CSE1L: variants seen among roughly 807,000 people sequenced by gnomAD.
The protein encoded by CSE1L is chromosome segregation 1 like, also known as exportin-2.
In CSE1L, 24 loss-of-function variants were observed where a neutral mutation model predicts 120.4. That is an observed-to-expected ratio of 0.20 (90% confidence interval 0.14 to 0.28). The LOEUF is 0.28. Ranked by LOEUF, CSE1L falls within the 10% of genes least tolerant of loss-of-function variation. The pLI is 1.00. For synonymous variants in CSE1L, 402 were observed against 398.3 expected (o/e 1.01, Z -0.11); for missense variants, 830 against 1,145.2 (o/e 0.72, Z 3.97).
At chr20:49,072,796 T>C in intron 10 of CSE1L, 99 bp downstream of exon 10, 1 of 1,156,408 alleles carries the variant, frequency 8.6e-7, no homozygotes, top group Non-Finnish European at 1.2e-6. Context: ...ATAAAACTTG[T>C]ATGTCATTTA....
Position 49,071,094 on chromosome 20 carries a change from T to C in CSE1L, c.768+797T>C, listed in dbSNP as rs543179787. Reference sequence around the variant, plus strand: ...TCATTTGTTAATATATTTATGACCTTCTTTCCGAAGAGACAAAAGACAAAA... The same window carrying C: ...TCATTTGTTAATATATTTATGACCTCCTTTCCGAAGAGACAAAAGACAAAA... On this transcript the variant is annotated intron_variant, in intron 8 of 24. Coordinates refer to ENST00000262982, the MANE Select transcript of CSE1L (RefSeq NM_001316.4). Among the ~76,000 whole-genome samples, 10 of 148,952 alleles carry C rather than the reference T, an allele frequency of 6.7e-5. 1 individual carries two copies. The highest frequency in any genetic ancestry group is 6.0e-4 in the Admixed American group (9 of 15,116).
At chr20:49,082,038 G>A (rs539552182) in intron 14 of CSE1L, among the ~76,000 whole-genome samples, 2 of 151,794 alleles carry the variant, frequency 1.3e-5, no homozygotes, top group African/African-American at 4.8e-5. Context: ...CTTTTCTTAC[G>A]CTTTCACTAC....
intron 14 of CSE1L, among the ~76,000 whole-genome samples, chr20:49,081,401 C>T (rs988289611): frequency 2.0e-5 from 3 of 152,204 alleles, no homozygotes; most frequent in South Asian, 2.1e-4. Context: ...CTCCCACTTT[C>T]AGCCTCCCGA....
Position 49,070,290 on chromosome 20 carries a change from A to T in CSE1L, c.761A>T (p.Gln254Leu), listed in dbSNP as rs2091922812. The T allele has an allele frequency of 7.4e-7, 1 of 1,343,286 alleles. No individual in the cohort carries two copies. The allele number at this position is 1,343,286 out of a possible 1,614,324, so 83.2% of individuals were successfully genotyped here. A position where few individuals can be genotyped will look rare whatever the true frequency, so the allele number is the denominator to read the frequency against. The change falls in exon 8 of 25, where the codon CAA (glutamine) becomes CTA (leucine). Residue 254 changes from glutamine (Q) to leucine (L), a missense_variant. By Grantham distance (113) the Gln-to-Leu change is moderately radical. Coordinates refer to ENST00000262982, the MANE Select transcript of CSE1L (RefSeq NM_001316.4). ...TLLTLDNKLL[Q>L]TDDEEEAGLL... ...TTAACATTGGATAATAAGCTTTTAC[A>T]AACTGATGTAAGTATTTAAAATGTT...
chr20:49,093,799 CCCA>C (rs2092119481), intron 22 of CSE1L, among the ~76,000 whole-genome samples: 1 of 151,830 alleles, frequency 6.6e-6, no homozygotes, highest in Admixed American at 6.6e-5. Flanking sequence ...CACCTGTAAT[CCCA>C]CCTACTCAGG....
chr20:49,077,731 T>C (rs2091980177), intron 13 of CSE1L, among the ~76,000 whole-genome samples: 2 of 152,004 alleles, frequency 1.3e-5, no homozygotes, highest in Non-Finnish European at 1.5e-5. Flanking sequence ...TTTGGCCGGG[T>C]GCGGTGGCTC....
chr20:49,096,496 G>A lies in CSE1L; in HGVS notation c.*58G>A. Reference sequence around the variant, plus strand: ...GTTTCCTAGGAAATCACAGGCTTCTGAGCACAGCTGCATTAAAACAAAGGA... The same window carrying A: ...GTTTCCTAGGAAATCACAGGCTTCTAAGCACAGCTGCATTAAAACAAAGGA... On this transcript the variant is annotated 3_prime_UTR_variant, in exon 25 of 25. Coordinates refer to ENST00000262982, the MANE Select transcript of CSE1L (RefSeq NM_001316.4). 8.1e-7 allele frequency: 1 copy of A among 1,239,124 alleles called. No homozygotes were observed. Among genetic ancestry groups the A allele is most frequent in the South Asian group, 1.2e-5 (1 of 83,040 alleles). The allele number at this position is 1,239,124 out of a possible 1,614,324, so 76.8% of individuals were successfully genotyped here.
chr20:49,082,143 T>C (rs1050269005), intron 14 of CSE1L, among the ~76,000 whole-genome samples: 2 of 152,062 alleles, frequency 1.3e-5, no homozygotes, highest in Non-Finnish European at 2.9e-5. Context: ...GTTCAAGCCA[T>C]GCTTTTTTTA....
At chr20:49,056,878 T>C (rs924843170) in intron 1 of CSE1L, among the ~76,000 whole-genome samples, 7 of 128,614 alleles carry the variant, frequency 5.4e-5, no homozygotes, top group African/African-American at 1.9e-4. Context: ...TGTGTGTGTG[T>C]GTGTGTGTGG....
intron 16 of CSE1L, among the ~76,000 whole-genome samples, chr20:49,086,291 G>GTA (rs918584096): frequency 3.3e-5 from 5 of 150,538 alleles, no homozygotes; most frequent in Admixed American, 3.3e-4. Flanking sequence ...GTATCTGGGT[G>GTA]TATGTTTCCA....
At position 49,077,029 on chromosome 20, in the gene CSE1L, T is replaced by G; in HGVS notation, c.1385T>G (p.Val462Gly). ...CTTGTAAACCTAACTGAGTTCTTTG[T>G]GAATCACATCCTCCCTGATTTAAAA... ...NELVNLTEFF[V>G]NHILPDLKSA... The change falls in exon 13 of 25, where the codon GTG (valine) becomes GGG (glycine). Residue 462 changes from valine (V) to glycine (G), a missense_variant. Coordinates refer to ENST00000262982, the MANE Select transcript of CSE1L (RefSeq NM_001316.4). 6.2e-7 allele frequency: 1 copy of G among 1,607,618 alleles called. No homozygotes were observed. Among genetic ancestry groups the G allele is most frequent in the Non-Finnish European group, 8.5e-7 (1 of 1,177,958 alleles).
At chr20:49,093,905 G>A (rs1222398439) in intron 22 of CSE1L, among the ~76,000 whole-genome samples, 2 of 150,850 alleles carry the variant, frequency 1.3e-5, no homozygotes, top group African/African-American at 4.9e-5. Flanking sequence ...CAACAAGAGC[G>A]AAACTCCGTC....
chr20:49,074,959 G>C, intron 11 of CSE1L, 109 bp downstream of exon 11: 1 of 767,476 alleles, frequency 1.3e-6, no homozygotes, highest in Non-Finnish European at 2.1e-6. Flanking sequence ...TGTTTTTTCA[G>C]CGGGCTTTCA....
rs769292586 is a variant in CSE1L, at chr20:49,084,145, G to A, written c.1602G>A (p.Gly534=). 7 of 1,613,812 alleles carry A rather than the reference G, an allele frequency of 4.3e-6. No homozygotes were observed. In the Admixed American group the frequency reaches 1.0e-4, roughly 23 times the overall value. The change falls in exon 15 of 25, where the codon GGG becomes GGA. Residue 534 remains glycine, a synonymous_variant. Transcript: ENST00000262982. ...TTGAACGGCTCTTTACTATGCGAGG[G>A]CCTAACAATGCCACTCTGTGAGTAT... is the stretch of plus-strand genomic sequence containing the variant. ...HALERLFTMR[G]PNNATLFTAA... is the part of the protein sequence containing the mutation.
chr20:49,089,187 G>A lies in CSE1L; in HGVS notation c.1822-60G>A, dbSNP rs2092082538. On this transcript the variant is annotated intron_variant, in intron 17 of 24. Transcript: ENST00000262982. Reference sequence around the variant, plus strand: ...ATAAGATGGCCTCTATTTTAAATGTGTTTTATAAAGGTTAGGTGTGGATTA... The same window carrying A: ...ATAAGATGGCCTCTATTTTAAATGTATTTTATAAAGGTTAGGTGTGGATTA... 2.2e-6 allele frequency: 3 copies of A among 1,350,506 alleles called. No individual in the cohort carries two copies. In the African/African-American group the frequency reaches 4.4e-5, roughly 20 times the overall value. The allele number at this position is 1,350,506 out of a possible 1,614,324, so 83.7% of individuals were successfully genotyped here.
chr20:49,094,067 C>T, intron 22 of CSE1L, 73 bp from the exon 23 acceptor site: 3 of 910,890 alleles, frequency 3.3e-6, no homozygotes, highest in Non-Finnish European at 4.9e-6. Context: ...TAAGAAGTAA[C>T]TAACATCTAA....
At chr20:49,055,445 G>A (rs555358807) in intron 1 of CSE1L, among the ~76,000 whole-genome samples, 7 of 152,230 alleles carry the variant, frequency 4.6e-5, no homozygotes, top group Non-Finnish European at 1.0e-4. Context: ...GTCCCGGTAT[G>A]GTGGGTCATG....
At chr20:49,060,341 G>A (rs1211580172) in intron 2 of CSE1L, among the ~76,000 whole-genome samples, 2 of 151,756 alleles carry the variant, frequency 1.3e-5, no homozygotes, top group Non-Finnish European at 2.9e-5. Context: ...AATTAGCTGG[G>A]CGTGGTGGTG....
intron 1 of CSE1L, among the ~76,000 whole-genome samples, chr20:49,056,618 A>G (rs893194688): frequency 6.6e-6 from 1 of 152,078 alleles, no homozygotes; most frequent in African/African-American, 2.4e-5. Context: ...AATTGATAAG[A>G]TTCCCAGGAT....
Sources: gnomAD v4.1 joint callset for allele counts (sites outside exome capture counted in the v4.1 genomes callset) on GRCh38, gnomAD v4.1.1 for gene constraint, MANE v1.5 for transcripts, NCBI Gene and HGNC (gene_info 2026-07-23, HGNC 2026-07-21) for gene names.